HDAC8: variants seen among roughly 807,000 people sequenced by gnomAD.
HDAC8 encodes the protein histone deacetylase 8, also known as histone deacetylase-like 1.
A neutral mutation model predicts 32.2 loss-of-function variants in HDAC8; 1 was observed. The ratio of observed to expected loss-of-function variants is 0.03; its 90% CI spans 0.01 to 0.15. HDAC8 has a LOEUF of 0.15. HDAC8 is among the 10% of genes least tolerant of loss of function. The pLI is 1.00. For missense variants in HDAC8, 117 were observed against 300.0 expected (o/e 0.39, Z 4.51); for synonymous variants, 108 against 113.9 (o/e 0.95, Z 0.33).
At chrX:72,468,519 G>A (rs1477066157) in intron 7 of HDAC8, among the ~76,000 whole-genome samples, 1 of 111,274 alleles carries the variant, frequency 9.0e-6, no homozygotes, top group African/African-American at 3.3e-5. Flanking sequence ...CTCATCAATC[G>A]CTCCCTCTTT....
chrX:72,375,857 A>G (rs2045049615), intron 9 of HDAC8, among the ~76,000 whole-genome samples: 1 of 112,058 alleles, frequency 8.9e-6, no homozygotes, highest in Non-Finnish European at 1.9e-5. Flanking sequence ...ATTGGTATCA[A>G]TCAGTAGAAT....
At chrX:72,380,894 T>C (rs1265890838) in intron 9 of HDAC8, among the ~76,000 whole-genome samples, 1 of 112,355 alleles carries the variant, frequency 8.9e-6, no homozygotes, top group African/African-American at 3.2e-5. Context: ...ATATTTCACA[T>C]TTTCTTCTTA....
intron 4 of HDAC8, among the ~76,000 whole-genome samples, chrX:72,558,196 T>C (rs187173342): frequency 8.9e-6 from 1 of 111,992 alleles, no homozygotes; most frequent in African/African-American, 3.2e-5. Context: ...ATTGACACTA[T>C]TCCAAAAGTT....
At chrX:72,446,921 C>G (rs143713576) in intron 9 of HDAC8, among the ~76,000 whole-genome samples, 1,190 of 111,944 alleles carry the variant, frequency 0.011, 12 homozygotes, top group African/African-American at 0.029. Flanking sequence ...AGACCAATAA[C>G]AAGTTCTGAA....
At chrX:72,464,848 A>C (rs2047973214) in intron 7 of HDAC8, 117 bp from the exon 8 acceptor site, 6 of 471,579 alleles carry the variant, frequency 1.3e-5, no homozygotes, top group Admixed American at 1.1e-4. Context: ...AAAAAACACA[A>C]CCTGTCAAAC....
chrX:72,406,038 T>A (rs910752966), intron 9 of HDAC8, among the ~76,000 whole-genome samples: 16 of 111,989 alleles, frequency 1.4e-4, no homozygotes, highest in Admixed American at 1.2e-3. Flanking sequence ...ATTTTGTCTT[T>A]TTTTTCCTGT....
chrX:72,474,812 C>T (rs2048286540), intron 7 of HDAC8: 1 of 570,768 alleles, frequency 1.8e-6, no homozygotes, highest in Admixed American at 3.4e-5. Context: ...CGTAGAGTTA[C>T]TCCCTTTTCT....
intron 4 of HDAC8, among the ~76,000 whole-genome samples, chrX:72,551,134 G>A (rs1222477360): frequency 5.4e-5 from 6 of 110,194 alleles, no homozygotes; most frequent in African/African-American, 2.0e-4. Context: ...GGATCTGGTA[G>A]AACAGTCCAC....
chrX:72,467,865 A>G (rs1393478986), intron 7 of HDAC8: 1 of 882,544 alleles, frequency 1.1e-6, no homozygotes, highest in East Asian at 3.6e-5. Context: ...GTGACACACA[A>G]GAAAAGCATA....
At chrX:72,496,797 A>C (rs1245422587) in intron 4 of HDAC8, among the ~76,000 whole-genome samples, 2 of 108,335 alleles carry the variant, frequency 1.8e-5, no homozygotes, top group East Asian at 2.9e-4. Flanking sequence ...AAAAAAAAAA[A>C]ACCAATCATC....
intron 7 of HDAC8, among the ~76,000 whole-genome samples, chrX:72,472,986 A>T (rs1555998548): frequency 9.0e-6 from 1 of 111,443 alleles, no homozygotes; most frequent in African/African-American, 3.3e-5. Context: ...CTTCCTAATC[A>T]GTTTCCCTGC....
At chrX:72,435,894 G>A (rs781961833) in intron 9 of HDAC8, among the ~76,000 whole-genome samples, 2 of 111,796 alleles carry the variant, frequency 1.8e-5, no homozygotes, top group South Asian at 7.6e-4. Context: ...CTTGAACATG[G>A]GTGGTGGAGG....
intron 4 of HDAC8, among the ~76,000 whole-genome samples, chrX:72,499,179 C>T (rs1462722290): frequency 8.9e-6 from 1 of 111,762 alleles, no homozygotes; most frequent in Non-Finnish European, 1.9e-5. Context: ...AGCCAAATAC[C>T]TCTTTTCTTT....
chrX:72,350,975 A>G (rs898279918), intron 10 of HDAC8, among the ~76,000 whole-genome samples: 79 of 112,497 alleles, frequency 7.0e-4, no homozygotes, highest in Non-Finnish European at 8.1e-4. Context: ...CTCCCAGGGC[A>G]TCAGAATCCC....
intron 4 of HDAC8, among the ~76,000 whole-genome samples, chrX:72,528,519 G>A (rs930797683): frequency 8.9e-6 from 1 of 112,113 alleles, no homozygotes; most frequent in African/African-American, 3.2e-5. Flanking sequence ...GTGATAAGAG[G>A]TGAGCAATCA....
intron 7 of HDAC8, among the ~76,000 whole-genome samples, chrX:72,477,212 GT>G (rs1223204198): frequency 3.3e-4 from 37 of 111,861 alleles, no homozygotes; most frequent in African/African-American, 1.1e-3. Flanking sequence ...CCAAACTATA[GT>G]TAGAACATTT....
chrX:72,496,080 T>A (rs1556012897), intron 4 of HDAC8, among the ~76,000 whole-genome samples: 4 of 111,479 alleles, frequency 3.6e-5, no homozygotes, highest in African/African-American at 1.3e-4. Flanking sequence ...ATTTAAGTTA[T>A]TTTTAAGGCC....
intron 4 of HDAC8, among the ~76,000 whole-genome samples, chrX:72,544,574 A>G (rs1419602526): frequency 9.0e-6 from 1 of 111,669 alleles, no homozygotes; most frequent in African/African-American, 3.3e-5. Context: ...ACCCAGCACT[A>G]TATAAACTCT....
chrX:72,519,238 T>C (rs1172853893), intron 4 of HDAC8, among the ~76,000 whole-genome samples: 1 of 112,456 alleles, frequency 8.9e-6, no homozygotes, highest in Non-Finnish European at 1.9e-5. Context: ...GTTCCACTTT[T>C]TGGCTATAAT....
Sources: gnomAD v4.1 joint callset for allele counts (sites outside exome capture counted in the v4.1 genomes callset) on GRCh38, gnomAD v4.1.1 for gene constraint, MANE v1.5 for transcripts, NCBI Gene and HGNC (gene_info 2026-07-23, HGNC 2026-07-21) for gene names.